Variants in GALNT17 observed in about 807,000 individuals in gnomAD.
GALNT17 encodes the protein polypeptide N-acetylgalactosaminyltransferase 17, also known as UDP-GalNAc:polypeptide N-acetylgalactosaminyltransferase-like 3.
Under a neutral mutation model 63.7 loss-of-function variants are expected in GALNT17, and 29 were observed. That is an observed-to-expected ratio of 0.46 (90% CI 0.34 to 0.62). GALNT17 has a LOEUF of 0.62. GALNT17 is among the 20% of genes least tolerant of loss of function. The probability of loss-of-function intolerance (pLI) is 0.01; values close to 1 mark genes in which losing one functional copy is unlikely to be tolerated. For synonymous variants in GALNT17, 305 were observed against 318.3 expected, an observed-to-expected ratio of 0.96 and a Z score of 0.45; for missense variants, 603 against 799.6, an observed-to-expected ratio of 0.75 and a Z score of 2.97.
chr7:71,368,649 G>T (rs1314823243), intron 2 of GALNT17, among the ~76,000 whole-genome samples: 1 of 152,094 alleles, frequency 6.6e-6, no homozygotes, highest in African/African-American at 2.4e-5. Flanking sequence ...TTCTTAAGGA[G>T]CTGTGAGCTT....
At chr7:71,386,309 T>G (rs1328931859) in intron 2 of GALNT17, among the ~76,000 whole-genome samples, 1 of 152,242 alleles carries the variant, frequency 6.6e-6, no homozygotes, top group African/African-American at 2.4e-5. Context: ...GCTGTATTTC[T>G]TGCTCCCTCT....
intron 1 of GALNT17, among the ~76,000 whole-genome samples, chr7:71,140,062 T>C (rs1562854704): frequency 6.6e-6 from 1 of 152,072 alleles, no homozygotes; most frequent in Non-Finnish European, 1.5e-5. Context: ...GGAAAGCATC[T>C]CCGTTCATTA....
At chr7:71,582,890 A>G (rs6961562) in intron 6 of GALNT17, among the ~76,000 whole-genome samples, 18,619 of 152,022 alleles carry the variant, frequency 0.12, 1,954 homozygotes, top group African/African-American at 0.29. Flanking sequence ...TGATGGGTGC[A>G]TCAAAATCTC....
chr7:71,344,869 G>T (rs2707432), intron 2 of GALNT17, among the ~76,000 whole-genome samples: 1 of 151,924 alleles, frequency 6.6e-6, no homozygotes, highest in African/African-American at 2.4e-5. Context: ...AATTGGAAAT[G>T]GATGAAGTGG....
intron 3 of GALNT17, among the ~76,000 whole-genome samples, chr7:71,399,486 G>A (rs118071717): frequency 0.042 from 6,403 of 152,202 alleles, 185 homozygotes; most frequent in Non-Finnish European, 0.068. Flanking sequence ...CTGATTCTGC[G>A]TTCTAGCTTC....
chr7:71,142,941 CAAAAAAAAAAA>C (rs58537746), intron 1 of GALNT17, among the ~76,000 whole-genome samples: 1 of 123,328 alleles, frequency 8.1e-6, no homozygotes, highest in Non-Finnish European at 1.7e-5. Context: ...ACTCTTGTCT[CAAAAAAAAAAA>C]AAAAAAGGAA....
chr7:71,251,316 G>C (rs1228397662), intron 1 of GALNT17, among the ~76,000 whole-genome samples: 1 of 152,158 alleles, frequency 6.6e-6, no homozygotes, highest in Non-Finnish European at 1.5e-5. Context: ...TTCTATTTCT[G>C]TATGGTTCAT....
chr7:71,450,072 T>C (rs1787231669), intron 5 of GALNT17, among the ~76,000 whole-genome samples: 1 of 151,260 alleles, frequency 6.6e-6, no homozygotes. Flanking sequence ...GTCTAAAATA[T>C]GACCATATTT....
At chr7:71,298,784 A>G (rs1453441347) in intron 1 of GALNT17, among the ~76,000 whole-genome samples, 3 of 151,654 alleles carry the variant, frequency 2.0e-5, no homozygotes, top group Non-Finnish European at 4.4e-5. Context: ...CTTCTTTGGG[A>G]TATTTACCCA....
chr7:71,678,228 G>A (rs376338923), intron 9 of GALNT17, among the ~76,000 whole-genome samples: 1 of 151,892 alleles, frequency 6.6e-6, no homozygotes, highest in African/African-American at 2.4e-5. Context: ...GGGTTCAAGC[G>A]ATTCTCCTGC....
chr7:71,708,031 G>A (rs963432024), intron 9 of GALNT17, among the ~76,000 whole-genome samples: 1 of 152,196 alleles, frequency 6.6e-6, no homozygotes, highest in Non-Finnish European at 1.5e-5. Context: ...GTTGTACATA[G>A]AGCATAAAGC....
chr7:71,664,035 G>GA (rs1790947015), intron 6 of GALNT17, among the ~76,000 whole-genome samples: 2 of 142,524 alleles, frequency 1.4e-5, no homozygotes, highest in African/African-American at 5.1e-5. Flanking sequence ...TTACAATAAG[G>GA]TTTTTTTTTT....
At chr7:71,231,271 T>C (rs1789783254) in intron 1 of GALNT17, among the ~76,000 whole-genome samples, 1 of 151,972 alleles carries the variant, frequency 6.6e-6, no homozygotes. Context: ...TGGTTGACCT[T>C]AGACTTGAAT....
chr7:71,305,968 C>A (rs1017633881), intron 1 of GALNT17, among the ~76,000 whole-genome samples: 2 of 152,222 alleles, frequency 1.3e-5, no homozygotes, highest in Non-Finnish European at 2.9e-5. Flanking sequence ...CCTGTAATCC[C>A]AGCACTTTGG....
At chr7:71,414,950 A>G (rs1353442753) in intron 3 of GALNT17, among the ~76,000 whole-genome samples, 3 of 151,324 alleles carry the variant, frequency 2.0e-5, no homozygotes, top group East Asian at 1.9e-4. Flanking sequence ...TTTCCTCCCT[A>G]TACCTGGTGA....
Position 71,700,656 on chromosome 7 carries a change from A to T in GALNT17, c.1501-10105A>T, listed in dbSNP as rs17143889. 9.9e-3 allele frequency among the ~76,000 whole-genome samples: 1,500 copies of T among 152,220 alleles called. 30 individuals are homozygous for T. Among genetic ancestry groups the T allele is most frequent in the Admixed American group, 0.038 (588 of 15,294 alleles). On this transcript the variant is annotated intron_variant, in intron 9 of 10. Coordinates refer to ENST00000333538, the MANE Select transcript of GALNT17 (RefSeq NM_022479.3). ...CTCCAGGCCTTTAAACAGCTGCTCC[A>T]TATTCCTGGTCTGATCTGTTTTTCT...
intron 1 of GALNT17, among the ~76,000 whole-genome samples, chr7:71,167,408 C>T (rs948353654): frequency 2.6e-5 from 4 of 151,924 alleles, no homozygotes; most frequent in South Asian, 2.1e-4. Context: ...AGGAAATTTC[C>T]GTTCAAATCA....
At chr7:71,272,613 G>T (rs1790613583) in intron 1 of GALNT17, among the ~76,000 whole-genome samples, 1 of 152,194 alleles carries the variant, frequency 6.6e-6, no homozygotes, top group Admixed American at 6.5e-5. Context: ...CTCCCATAAA[G>T]CTCTTTCTCC....
In GALNT17 at chr7:71,172,989, G is replaced by A. The variant is rs112539964; in HGVS notation, c.238+39949G>A. ...GGAGCAGATGCTAGAATGGGGTTTG[G>A]GTTTTCTTGGCACTCCAAAGCTCCT... On this transcript the variant is annotated intron_variant, in intron 1 of 10. Coordinates refer to ENST00000333538, the MANE Select transcript of GALNT17 (RefSeq NM_022479.3). Among the ~76,000 whole-genome samples the A allele has an allele frequency of 5.9e-5, 9 of 152,194 alleles. 1 individual carries two copies. The highest frequency in any genetic ancestry group is 1.7e-4 in the African/African-American group (7 of 41,524).
Sources: allele counts gnomAD v4.1 joint callset (sites outside exome capture counted in the v4.1 genomes callset), GRCh38; gene constraint gnomAD v4.1.1; transcripts MANE v1.5; gene names NCBI Gene and HGNC (gene_info 2026-07-23, HGNC 2026-07-21).